GHR: variants seen among roughly 807,000 people sequenced by gnomAD.
GHR encodes growth hormone receptor.
GHR carries 35 observed loss-of-function variants against 67.1 expected under a neutral mutation model. The observed-to-expected ratio is 0.52, with a 90% confidence interval of 0.40 to 0.69. The LOEUF (loss-of-function observed/expected upper bound fraction) is 0.69. Ranked by LOEUF, GHR falls within the 30% of genes least tolerant of loss-of-function variation. The pLI is 0.00. For synonymous variants in GHR, 272 were observed against 269.1 expected, an observed-to-expected ratio of 1.01 and a Z score of -0.10; for missense variants, 792 against 764.6, an observed-to-expected ratio of 1.04 and a Z score of -0.42.
chr5:42,626,256 T>G lies in GHR; in HGVS notation c.71-2782T>G, dbSNP rs1753697198. Among the ~76,000 whole-genome samples the G allele has an allele frequency of 5.3e-5, 8 of 152,210 alleles. No homozygotes were observed. In the South Asian group the frequency reaches 1.7e-3, roughly 32 times the overall value. ...TTTACGGCTCATTCCAACAATACTG[T>G]CCCCCACTTCAGATGCCAACTGCAA... On this transcript the variant is annotated intron_variant, in intron 2 of 9. Coordinates refer to ENST00000230882, the MANE Select transcript of GHR (RefSeq NM_000163.5).
chr5:42,660,144 G>A (rs563009155), intron 3 of GHR, among the ~76,000 whole-genome samples: 1 of 152,292 alleles, frequency 6.6e-6, no homozygotes, highest in African/African-American at 2.4e-5. Context: ...GCTCAAGGAG[G>A]CCTGCCTGCC....
chr5:42,468,170 G>C (rs1272958829), intron 1 of GHR: 9 of 1,359,346 alleles, frequency 6.6e-6, no homozygotes, highest in Non-Finnish European at 8.4e-6. Flanking sequence ...CCTGTCTGAC[G>C]AAACTCCCCT....
chr5:42,660,286 G>A (rs1755514388), intron 3 of GHR, among the ~76,000 whole-genome samples: 1 of 152,174 alleles, frequency 6.6e-6, no homozygotes, highest in Non-Finnish European at 1.5e-5. Context: ...CTGGAGATCT[G>A]AGAACAGGCA....
intron 6 of GHR, among the ~76,000 whole-genome samples, chr5:42,707,180 T>G (rs1017644455): frequency 6.6e-6 from 1 of 152,014 alleles, no homozygotes; most frequent in East Asian, 1.9e-4. Flanking sequence ...CAATTTAACT[T>G]TCTTGCATAA....
intron 1 of GHR, among the ~76,000 whole-genome samples, chr5:42,560,262 C>CG (rs750681735): frequency 6.6e-6 from 1 of 152,098 alleles, no homozygotes; most frequent in Non-Finnish European, 1.5e-5. Context: ...GGCATAATCT[C>CG]GGCTCACTGC....
chr5:42,461,804 A>C (rs1744499257), intron 1 of GHR, among the ~76,000 whole-genome samples: 1 of 152,238 alleles, frequency 6.6e-6, no homozygotes, highest in South Asian at 2.1e-4. Context: ...ATGAAGATTT[A>C]ATCCAGCGAC....
intron 1 of GHR, chr5:42,467,545 C>A: frequency 7.1e-7 from 1 of 1,416,314 alleles, no homozygotes; most frequent in South Asian, 1.2e-5. Context: ...ACATTTACTA[C>A]GCCTAAAGGT....
At chr5:42,709,804 T>A (rs572102123) in intron 6 of GHR, among the ~76,000 whole-genome samples, 15 of 152,218 alleles carry the variant, frequency 9.9e-5, no homozygotes, top group Non-Finnish European at 1.9e-4. Flanking sequence ...TAGACTTGGA[T>A]GAGAAACAGT....
intron 3 of GHR, among the ~76,000 whole-genome samples, chr5:42,680,794 T>G (rs1756823512): frequency 1.3e-5 from 2 of 151,986 alleles, no homozygotes; most frequent in South Asian, 4.2e-4. Flanking sequence ...TGTGAGCCAC[T>G]GCTCCCAGCC....
chr5:42,651,535 A>G (rs371611605), intron 3 of GHR, among the ~76,000 whole-genome samples: 2 of 152,270 alleles, frequency 1.3e-5, no homozygotes, highest in South Asian at 2.1e-4. Flanking sequence ...ACAATGAGAA[A>G]TGGGAGAGGA....
intron 1 of GHR, among the ~76,000 whole-genome samples, chr5:42,534,256 A>G (rs1748132696): frequency 7.1e-6 from 1 of 139,926 alleles, no homozygotes; most frequent in Non-Finnish European, 1.5e-5. Context: ...GTATATATGT[A>G]CATGTGTATA....
chr5:42,671,107 G>T (rs967213320), intron 3 of GHR, among the ~76,000 whole-genome samples: 3 of 152,004 alleles, frequency 2.0e-5, no homozygotes, highest in African/African-American at 7.2e-5. Context: ...GGGTGTTCTA[G>T]CATGCTATTA....
chr5:42,704,903 T>C (rs535205507), intron 6 of GHR, among the ~76,000 whole-genome samples: 2 of 151,920 alleles, frequency 1.3e-5, no homozygotes, highest in Non-Finnish European at 2.9e-5. Flanking sequence ...GGGCTTTCTC[T>C]TTTTTTATTA....
chr5:42,655,995 A>T (rs1755235814), intron 3 of GHR, among the ~76,000 whole-genome samples: 1 of 152,192 alleles, frequency 6.6e-6, no homozygotes. Context: ...CTTTACATGA[A>T]TCTTTTTAAC....
At chr5:42,613,191 C>A (rs1242080859) in intron 2 of GHR, among the ~76,000 whole-genome samples, 3 of 152,096 alleles carry the variant, frequency 2.0e-5, no homozygotes, top group Admixed American at 2.0e-4. Context: ...CTTTCCTAAG[C>A]TGTTCTAACT....
At chr5:42,493,246 T>G (rs1436401242) in intron 1 of GHR, among the ~76,000 whole-genome samples, 1 of 152,140 alleles carries the variant, frequency 6.6e-6, no homozygotes, top group Non-Finnish European at 1.5e-5. Context: ...ATCTGTTGCT[T>G]AAGAATAAAG....
chr5:42,493,119 G>A (rs1378447768), intron 1 of GHR, among the ~76,000 whole-genome samples: 4 of 152,174 alleles, frequency 2.6e-5, no homozygotes, highest in African/African-American at 9.7e-5. Context: ...ACGCCTCGCA[G>A]TGGATGAGTG....
chr5:42,598,948 T>C lies in GHR; in HGVS notation c.71-30090T>C, dbSNP rs148291022. On this transcript the variant is annotated intron_variant, in intron 2 of 9. Transcript: ENST00000230882. ...TCAATGGAAGATGCAAATATGAATA[T>C]AAAATATGAAAAGCATCTATAGGCT... Among the ~76,000 whole-genome samples the C allele has an allele frequency of 2.0e-5, 3 of 152,354 alleles. No individual in the cohort carries two copies. In the East Asian group the frequency reaches 5.8e-4, roughly 29 times the overall value.
At chr5:42,458,362 A>G (rs1173312709) in intron 1 of GHR, among the ~76,000 whole-genome samples, 4 of 152,320 alleles carry the variant, frequency 2.6e-5, no homozygotes, top group Middle Eastern at 3.4e-3. Context: ...TAAAGTTGAC[A>G]AAAACAAGAA....
Sources: allele counts gnomAD v4.1 joint callset (sites outside exome capture counted in the v4.1 genomes callset), GRCh38; gene constraint gnomAD v4.1.1; transcripts MANE v1.5; gene names NCBI Gene and HGNC (gene_info 2026-07-23, HGNC 2026-07-21).